The following WDR62 variants were observed in gnomAD, a reference collection of about 807,000 sequenced individuals.
WDR62 encodes WD repeat-containing protein 62.
In WDR62, 112 loss-of-function variants were observed where a neutral mutation model predicts 160.6. The observed-to-expected ratio is 0.70, with a 90% CI of 0.60 to 0.82. WDR62 has a LOEUF of 0.82. Among genes scored for constraint, WDR62 ranks in the 40% least tolerant of loss-of-function variants. The probability of loss-of-function intolerance (pLI) is 0.00; values close to 1 mark genes in which losing one functional copy is unlikely to be tolerated. For missense variants in WDR62, 1,819 were observed against 1,983.8 expected (o/e 0.92, Z 1.58); for synonymous variants, 792 against 815.1 (o/e 0.97, Z 0.48).
rs749106014 is a variant in WDR62 at position 36,083,258 on chromosome 19, A to G, written c.1550+17A>G. ...AAATCTGAGGCAAGTGGGCCCTGGCAGTGTCCAGTGTACACCTCCCAGCTC... is the reference window on the plus strand; with the variant it reads ...AAATCTGAGGCAAGTGGGCCCTGGCGGTGTCCAGTGTACACCTCCCAGCTC... On this transcript the variant is annotated intron_variant, in intron 11 of 31. Transcript: ENST00000401500. The G allele has an allele frequency of 3.2e-6, 5 of 1,580,372 alleles. No homozygotes were observed. The highest frequency in any genetic ancestry group is 2.3e-5 in the South Asian group (2 of 86,860).
intron 9 of WDR62, among the ~76,000 whole-genome samples, chr19:36,080,608 A>T (rs2145699908): frequency 6.7e-6 from 1 of 149,920 alleles, no homozygotes; most frequent in East Asian, 2.0e-4. Flanking sequence ...ACAGGTGTGC[A>T]CCACCACGCC....
At chr19:36,084,570 C>G in intron 11 of WDR62, 83 bp from the exon 12 acceptor site, 1 of 1,326,300 alleles carries the variant, frequency 7.5e-7, no homozygotes. Context: ...TGTTGGTGGC[C>G]TGGCCATTCT....
At chr19:36,067,590 C>G in intron 6 of WDR62, 147 bp downstream of exon 6, 1 of 1,278,226 alleles carries the variant, frequency 7.8e-7, no homozygotes, top group South Asian at 1.2e-5. Context: ...TCTGGGCCTA[C>G]TCTCAGGGTG....
intron 9 of WDR62, among the ~76,000 whole-genome samples, chr19:36,074,886 C>A (rs1971494194): frequency 6.6e-6 from 1 of 152,196 alleles, no homozygotes; most frequent in African/African-American, 2.4e-5. Flanking sequence ...TCGCCCTCAC[C>A]ATTATCAATT....
At chr19:36,105,732 T>C (rs1178493014), downstream of WDR62, among the ~76,000 whole-genome samples, 2 of 152,160 alleles carry the variant, frequency 1.3e-5, no homozygotes, top group African/African-American at 4.8e-5. Context: ...GGAATCTTGC[T>C]GTGTCATCCA....
Position 36,090,485 on chromosome 19 carries a change from A to C in WDR62, c.1999A>C (p.Lys667Gln). The C allele has an allele frequency of 6.2e-7, 1 of 1,614,092 alleles. No homozygotes were observed. Among genetic ancestry groups the C allele is most frequent in the Non-Finnish European group, 8.5e-7 (1 of 1,179,990 alleles). Residue 667 changes from lysine (K) to glutamine (Q), a missense_variant, in exon 16 of 32, where the codon AAG becomes CAG. By Grantham distance (53) the Lys-to-Gln change is moderately conservative. Around this residue, in one of 3 missense-constraint regions of WDR62, gnomAD observed 934 missense variants for 1,157.2 expected, o/e 0.81. Transcript: ENST00000401500. ...TVNGKQKKCYKGSQGDEGSLL... is the reference protein window; with the variant it reads ...TVNGKQKKCYQGSQGDEGSLL... ...GAACGGGAAGCAGAAGAAGTGCTAC[A>C]AGGGCTCCCAGGGTGACGAAGGGTC...
intron 19 of WDR62, among the ~76,000 whole-genome samples, chr19:36,093,462 T>G (rs1431057796): frequency 6.6e-6 from 1 of 152,362 alleles, no homozygotes; most frequent in East Asian, 1.9e-4. Flanking sequence ...TTGCTCATTT[T>G]GAGTGGGAGG....
In WDR62 at chr19:36,074,562, G is replaced by T. The variant is rs969041999; in HGVS notation, c.1233+1031G>T. Among the ~76,000 whole-genome samples, 5 of 152,114 alleles carry T rather than the reference G, an allele frequency of 3.3e-5. No individual in the cohort carries two copies. The South Asian group carries it at 1.0e-3, about 31-fold the overall frequency. On this transcript the variant is annotated intron_variant, in intron 9 of 31. Coordinates refer to ENST00000401500, the MANE Select transcript of WDR62 (RefSeq NM_001083961.2). ...AGCTACTCGGCAGGGGCTGCGGCAG[G>T]GGGGCTGAAAATTTCTTACTGGGAA...
At chr19:36,099,261 C>T in intron 21 of WDR62, 138 bp from the exon 22 acceptor site, 1 of 658,940 alleles carries the variant, frequency 1.5e-6, no homozygotes, top group Non-Finnish European at 2.7e-6. Context: ...AAGGTTCACG[C>T]TGGAGATATG....
intron 7 of WDR62, among the ~76,000 whole-genome samples, chr19:36,069,159 G>T (rs1278158989): frequency 6.9e-6 from 1 of 145,884 alleles, no homozygotes; most frequent in African/African-American, 2.8e-5. Flanking sequence ...TGGGCGGCTG[G>T]CCGGGCGGGG....
chr19:36,103,301 A>T, intron 29 of WDR62, 42 bp from the exon 30 acceptor site: 1 of 1,612,800 alleles, frequency 6.2e-7, no homozygotes, highest in Non-Finnish European at 8.5e-7. Flanking sequence ...CCTAGCCATC[A>T]GTTCTGTGTG....
chr19:36,068,077 T>G (rs1184696797), intron 7 of WDR62, 67 bp downstream of exon 7: 1 of 1,543,516 alleles, frequency 6.5e-7, no homozygotes, highest in Non-Finnish European at 8.8e-7. Flanking sequence ...GCAGGGGTGC[T>G]CATCAGCATT....
chr19:36,103,131 C>T (rs767054179), intron 28 of WDR62, 25 bp from the exon 29 acceptor site: 35 of 1,613,902 alleles, frequency 2.2e-5, no homozygotes, highest in Middle Eastern at 3.3e-4. Flanking sequence ...GAGGCCTTGT[C>T]CTCACCTCAG....
the WDR62 span, among the ~76,000 whole-genome samples, chr19:36,110,670 G>T: frequency 6.6e-6 from 1 of 152,088 alleles, no homozygotes; most frequent in Non-Finnish European, 1.5e-5. Context: ...TCCTACCTGA[G>T]GATGCACAGC....
At chr19:36,067,466 T>G in intron 6 of WDR62, 23 bp downstream of exon 6, 1 of 1,613,980 alleles carries the variant, frequency 6.2e-7, no homozygotes, top group African/African-American at 1.3e-5. Context: ...CCCTGCCCCT[T>G]TAGCCAGGCC....
rs758675905 is a variant in WDR62, at chr19:36,073,449, A to C, written c.1151A>C (p.Tyr384Ser). Residue 384 changes from tyrosine to serine, a missense_variant, in exon 9 of 32, where the codon TAC (tyrosine) becomes TCC (serine). Around this residue, in one of 3 missense-constraint regions of WDR62, gnomAD observed 934 missense variants for 1,157.2 expected, o/e 0.81. Coordinates refer to ENST00000401500, the MANE Select transcript of WDR62 (RefSeq NM_001083961.2). The part of the protein sequence containing the change: ...LSCVYKDHSI[Y>S]IWDVKDINRV... ...TGCGTGTATAAGGACCACAGCATCT[A>C]CATCTGGGATGTCAAGGACATCAAC... The C allele has an allele frequency of 3.7e-6, 6 of 1,614,148 alleles. No individual in the cohort carries two copies. Among genetic ancestry groups the C allele is most frequent in the Non-Finnish European group, 5.1e-6 (6 of 1,180,016 alleles).
downstream of WDR62, among the ~76,000 whole-genome samples, chr19:36,105,579 G>T (rs1439024185): frequency 6.6e-6 from 1 of 152,036 alleles, no homozygotes; most frequent in Admixed American, 6.6e-5. Context: ...GGGTATGGTG[G>T]CCTGCACCTA....
chr19:36,109,270 A>G (rs1973763809), downstream of WDR62, among the ~76,000 whole-genome samples: 1 of 152,184 alleles, frequency 6.6e-6, no homozygotes, highest in South Asian at 2.1e-4. Context: ...CTGTACCCGT[A>G]GCCTGGATCA....
chr19:36,055,676 G>A (rs1021534025), intron 1 of WDR62, among the ~76,000 whole-genome samples: 1 of 152,164 alleles, frequency 6.6e-6, no homozygotes, highest in Non-Finnish European at 1.5e-5. Context: ...AAAGACGTGA[G>A]AAGTTATTTA....
Sources: allele counts gnomAD v4.1 joint callset (sites outside exome capture counted in the v4.1 genomes callset), GRCh38; gene constraint gnomAD v4.1.1; regional missense constraint gnomAD v4.1.1; transcripts MANE v1.5; gene names NCBI Gene and HGNC (gene_info 2026-07-23, HGNC 2026-07-21).